ARL15: variants seen among roughly 807,000 people sequenced by gnomAD.
ARL15 encodes ADP-ribosylation factor-like protein 15.
ARL15 carries 19 observed loss-of-function variants against 25.2 expected under a neutral mutation model. The observed-to-expected ratio is 0.75, with a 90% CI of 0.53 to 1.10. The LOEUF (loss-of-function observed/expected upper bound fraction) is 1.10, where lower values mean the gene tolerates loss of function less well. Among genes scored for constraint, ARL15 ranks in the 50% least tolerant of loss-of-function variants. The pLI is 0.00. For missense variants in ARL15, 220 were observed against 246.0 expected (o/e 0.89, Z 0.71); for synonymous variants, 94 against 86.8 (o/e 1.08, Z -0.46).
At chr5:54,086,524 G>A (rs1422267674) in intron 4 of ARL15, among the ~76,000 whole-genome samples, 1 of 151,088 alleles carries the variant, frequency 6.6e-6, no homozygotes, top group Non-Finnish European at 1.5e-5. Flanking sequence ...GCTTTGTGTT[G>A]AAGAGATTTC....
At chr5:53,941,772 C>T (rs569432272) in intron 4 of ARL15, among the ~76,000 whole-genome samples, 8 of 152,186 alleles carry the variant, frequency 5.3e-5, no homozygotes, top group Non-Finnish European at 1.2e-4. Flanking sequence ...TGTTTTCTCG[C>T]TTTCTTCCCT....
intron 1 of ARL15, among the ~76,000 whole-genome samples, chr5:54,187,040 A>T (rs1331875898): frequency 6.6e-6 from 1 of 152,218 alleles, no homozygotes; most frequent in African/African-American, 2.4e-5. Context: ...AAAGCAATTC[A>T]TTGGAAGGAT....
intron 1 of ARL15, chr5:54,282,588 T>C (rs1053623663): frequency 3.4e-5 from 33 of 971,418 alleles, no homozygotes; most frequent in Non-Finnish European, 4.0e-5. Flanking sequence ...ATTTAAGGAG[T>C]GTAACTTATT....
intron 4 of ARL15, among the ~76,000 whole-genome samples, chr5:53,954,468 C>T (rs569067278): frequency 3.3e-5 from 5 of 152,282 alleles, no homozygotes; most frequent in African/African-American, 7.2e-5. Flanking sequence ...TAGCCCAATT[C>T]CTCACTGGAT....
At chr5:54,197,504 C>T (rs1755584307) in intron 1 of ARL15, among the ~76,000 whole-genome samples, 2 of 152,088 alleles carry the variant, frequency 1.3e-5, no homozygotes, top group African/African-American at 4.8e-5. Context: ...AAAAGATCTC[C>T]ATGTTTTGCA....
intron 4 of ARL15, among the ~76,000 whole-genome samples, chr5:54,101,067 T>C (rs1190839696): frequency 6.6e-6 from 1 of 152,092 alleles, no homozygotes; most frequent in Non-Finnish European, 1.5e-5. Flanking sequence ...CAATCTTAAT[T>C]GACAGAGGAT....
At chr5:54,030,948 A>G (rs564597737) in intron 4 of ARL15, among the ~76,000 whole-genome samples, 1 of 152,192 alleles carries the variant, frequency 6.6e-6, no homozygotes, top group Admixed American at 6.5e-5. Flanking sequence ...TAAGAAGAGA[A>G]TGTGACACAA....
intron 4 of ARL15, among the ~76,000 whole-genome samples, chr5:54,087,419 G>A (rs911450213): frequency 3.9e-5 from 6 of 152,070 alleles, no homozygotes; most frequent in African/African-American, 9.7e-5. Context: ...ACTAAGCCAT[G>A]TTATTATGCT....
At chr5:54,172,018 G>T in intron 1 of ARL15, 90 bp from the exon 2 acceptor site, 1 of 1,458,716 alleles carries the variant, frequency 6.9e-7, no homozygotes, top group East Asian at 2.4e-5. Context: ...TAAGTATTAA[G>T]AGGTAATTGA....
chr5:54,086,499 T>C (rs1296329356), intron 4 of ARL15, among the ~76,000 whole-genome samples: 2 of 151,720 alleles, frequency 1.3e-5, no homozygotes, highest in Admixed American at 1.3e-4. Flanking sequence ...ATTTACCAGA[T>C]GTAAATTTTA....
intron 4 of ARL15, among the ~76,000 whole-genome samples, chr5:53,981,812 T>C (rs758505266): frequency 4.6e-5 from 7 of 151,688 alleles, no homozygotes; most frequent in African/African-American, 7.3e-5. Flanking sequence ...GGTAGGAGAA[T>C]TGCTTTGAAT....
chr5:54,020,087 G>T (rs541879649), intron 4 of ARL15, among the ~76,000 whole-genome samples: 1 of 152,300 alleles, frequency 6.6e-6, no homozygotes, highest in Non-Finnish European at 1.5e-5. Flanking sequence ...GTAAACATAT[G>T]AAGTATTAAA....
intron 1 of ARL15, among the ~76,000 whole-genome samples, chr5:54,210,600 AT>A (rs1756013368): frequency 6.6e-6 from 1 of 152,182 alleles, no homozygotes; most frequent in South Asian, 2.1e-4. Context: ...TACATGACAA[AT>A]CCTTTGAGGC....
rs898559079 is a variant in ARL15, at chr5:53,927,617, G to A, written c.463-40904C>T. On this transcript the variant is annotated intron_variant, in intron 4 of 4. Coordinates refer to ENST00000504924, the MANE Select transcript of ARL15 (RefSeq NM_019087.3). ...AGCCCTGCAAGTACTGATCACACAC[G>A]TACTATGTATGTGTCTAGGACCATG... Among the ~76,000 whole-genome samples, 16 of 152,178 alleles carry A rather than the reference G, an allele frequency of 1.1e-4. No individual in the cohort carries two copies. In the East Asian group the frequency reaches 1.7e-3, roughly 17 times the overall value.
At chr5:53,962,901 C>A (rs1747419605) in intron 4 of ARL15, among the ~76,000 whole-genome samples, 1 of 151,856 alleles carries the variant, frequency 6.6e-6, no homozygotes, top group Admixed American at 6.6e-5. Flanking sequence ...TAAAACTAAT[C>A]TCAGCTTCTT....
At chr5:53,907,486 A>ATTT (rs1175615384) in intron 4 of ARL15, among the ~76,000 whole-genome samples, 81 of 22,448 alleles carry the variant, frequency 3.6e-3, no homozygotes, top group Middle Eastern at 0.029. Flanking sequence ...ATATATATAT[A>ATTT]TATTTTTTTT....
intron 3 of ARL15, among the ~76,000 whole-genome samples, chr5:54,142,690 T>C (rs1252180850): frequency 2.0e-5 from 3 of 152,144 alleles, no homozygotes; most frequent in Non-Finnish European, 2.9e-5. Context: ...TGTTCCATGC[T>C]CTTATGTTAA....
At chr5:54,136,044 G>C (rs1753593069) in intron 3 of ARL15, among the ~76,000 whole-genome samples, 1 of 151,974 alleles carries the variant, frequency 6.6e-6, no homozygotes, top group African/African-American at 2.4e-5. Context: ...AGAAGGCAAG[G>C]GAGATCAGAA....
At chr5:54,303,689 G>GA (rs1364467139) in intron 1 of ARL15, among the ~76,000 whole-genome samples, 2 of 130,668 alleles carry the variant, frequency 1.5e-5, no homozygotes, top group Non-Finnish European at 3.2e-5. Flanking sequence ...AAGAGGAGAG[G>GA]AAAAAAAGAA....
Sources: allele counts gnomAD v4.1 joint callset (sites outside exome capture counted in the v4.1 genomes callset), GRCh38; gene constraint gnomAD v4.1.1; transcripts MANE v1.5; gene names NCBI Gene and HGNC (gene_info 2026-07-23, HGNC 2026-07-21).